CACNA1H: variants seen among roughly 807,000 people sequenced by gnomAD.
CACNA1H encodes the protein calcium voltage-gated channel subunit alpha1 H.
In CACNA1H, 149 loss-of-function variants were observed where a neutral mutation model predicts 192.5. That is an observed-to-expected ratio of 0.77 (90% CI 0.68 to 0.89). CACNA1H has a LOEUF of 0.89. Ranked by LOEUF, CACNA1H falls within the 40% of genes least tolerant of loss-of-function variation. The probability of loss-of-function intolerance (pLI) is 0.00; values close to 1 mark genes in which losing one functional copy is unlikely to be tolerated. For missense variants in CACNA1H, 4,257 were observed against 3,423.5 expected (o/e 1.24, Z -6.08); for synonymous variants, 2,202 against 1,475.2 (o/e 1.49, Z -11.29).
At chr16:1,181,254 G>A (rs1218262282) in intron 2 of CACNA1H, among the ~76,000 whole-genome samples, 1 of 152,252 alleles carries the variant, frequency 6.6e-6, no homozygotes, top group Non-Finnish European at 1.5e-5. Flanking sequence ...GCAAGGGTGA[G>A]GCCAGAGGAG....
chr16:1,154,352 ACTC>A (rs1225982728), intron 2 of CACNA1H, among the ~76,000 whole-genome samples: 2 of 151,570 alleles, frequency 1.3e-5, no homozygotes, highest in African/African-American at 4.8e-5. Context: ...GAAGGTCCTA[ACTC>A]CTCGCGGCCC....
intron 26 of CACNA1H, among the ~76,000 whole-genome samples, chr16:1,212,798 T>C (rs1969617502): frequency 6.6e-6 from 1 of 152,194 alleles, no homozygotes; most frequent in Non-Finnish European, 1.5e-5. Flanking sequence ...CCCACACCCC[T>C]GCAGGCTTGT....
chr16:1,175,466 T>G (rs1259847303), intron 2 of CACNA1H, among the ~76,000 whole-genome samples: 1 of 152,136 alleles, frequency 6.6e-6, no homozygotes, highest in African/African-American at 2.4e-5. Context: ...TCGCTCCTGC[T>G]GGGCCCTGGC....
At position 1,180,053 on chromosome 16, in the gene CACNA1H, T is replaced by C. The variant is rs935437977; in HGVS notation, c.300-14919T>C. Among the ~76,000 whole-genome samples the C allele has an allele frequency of 2.6e-5, 4 of 152,196 alleles. No individual in the cohort carries two copies. The highest frequency in any genetic ancestry group is 9.7e-5 in the African/African-American group (4 of 41,446). The stretch of plus-strand genomic sequence containing the variant: ...CCCGGCCCGGCCTTGTTTTTTAATA[T>C]ACATCTGGTTGCCGGGTGATACTGA... On this transcript the variant is annotated intron_variant, in intron 2 of 34. Transcript: ENST00000348261. This position sits in a 1 kb window ranked among gnomAD's most constrained non-coding sequence, Gnocchi z 4.4.
Position 1,210,600 on chromosome 16 carries a change from C to A in CACNA1H, c.3987C>A (p.Ser1329Arg), listed in dbSNP as rs770769436. 1 of 1,608,362 alleles carries A rather than the reference C, an allele frequency of 6.2e-7. No individual in the cohort carries two copies. Among genetic ancestry groups the A allele is most frequent in the Non-Finnish European group, 8.5e-7 (1 of 1,179,788 alleles). ...CCCGGCAGGAGCGGGTCTTCCTCAG[C>A]GTCTCCAATTACATCTTCACGGCCA... ...DPGSTERVFL[S>R]VSNYIFTAIF... The change falls in exon 20 of 35, where the codon AGC becomes AGA. Residue 1329 changes from serine to arginine, a missense_variant. Physicochemically the swap from Ser to Arg is moderately radical, Grantham distance 110 (BLOSUM62 -1). Coordinates refer to ENST00000348261, the MANE Select transcript of CACNA1H (RefSeq NM_021098.3).
chr16:1,186,738 C>T (rs1280603946), intron 2 of CACNA1H, among the ~76,000 whole-genome samples: 1 of 152,214 alleles, frequency 6.6e-6, no homozygotes, highest in African/African-American at 2.4e-5. Context: ...CGTAATGCTT[C>T]CTGGCCGGTG....
intron 2 of CACNA1H, among the ~76,000 whole-genome samples, chr16:1,187,495 G>A (rs558053175): frequency 1.6e-4 from 24 of 152,370 alleles, no homozygotes; most frequent in Middle Eastern, 3.4e-3. Context: ...GGCTCAGGCC[G>A]CTTGTGCCCA....
At chr16:1,200,668 G>T in intron 7 of CACNA1H, 48 bp from the exon 8 acceptor site, 1 of 1,575,758 alleles carries the variant, frequency 6.3e-7, no homozygotes. Context: ...GGCACGGGGA[G>T]GAGGAGGAGG....
chr16:1,188,821 C>G (rs1966317077), intron 2 of CACNA1H, among the ~76,000 whole-genome samples: 1 of 152,208 alleles, frequency 6.6e-6, no homozygotes, highest in African/African-American at 2.4e-5. Flanking sequence ...CACACCTAAC[C>G]CCGGCCCTCC....
chr16:1,200,286 C>T lies in CACNA1H; in HGVS notation c.834C>T (p.Tyr278=), dbSNP rs200518164. ...RNNNLTFLRP[Y]YQTEEGEENP... is the part of the protein sequence containing the mutation. Reference sequence around the variant, plus strand: ...ACAACCTGACCTTCCTGCGGCCGTACTACCAGACGGAGGAGGGCGAGGAGA... The same window carrying T: ...ACAACCTGACCTTCCTGCGGCCGTATTACCAGACGGAGGAGGGCGAGGAGA... The change falls in exon 7 of 35, where the codon TAC becomes TAT. Residue 278 remains tyrosine (Y), a synonymous_variant. Transcript: ENST00000348261. The T allele has an allele frequency of 2.2e-5, 35 of 1,604,836 alleles. No homozygotes were observed. Among genetic ancestry groups the T allele is most frequent in the Non-Finnish European group, 2.9e-5 (34 of 1,175,806 alleles).
chr16:1,197,849 A>G (rs960865278), intron 5 of CACNA1H, among the ~76,000 whole-genome samples: 1 of 152,036 alleles, frequency 6.6e-6, no homozygotes, highest in African/African-American at 2.4e-5. Flanking sequence ...GAGGGAAAGG[A>G]CGTCTTGGGG....
chr16:1,154,395 C>T (rs891736636), intron 2 of CACNA1H, among the ~76,000 whole-genome samples: 4 of 152,162 alleles, frequency 2.6e-5, no homozygotes, highest in South Asian at 2.1e-4. Flanking sequence ...GGGAATTTCC[C>T]CCTTGCCCAC....
Position 1,195,488 on chromosome 16 carries a change from G to C in CACNA1H, c.468G>C (p.Val156=). Residue 156 remains valine (V), a synonymous_variant, in exon 4 of 35, where the codon GTG becomes GTC. Coordinates refer to ENST00000348261, the MANE Select transcript of CACNA1H (RefSeq NM_021098.3). ...FFAVEMVIKM[V]ALGLFGQKCY... ...CGGTGGAGATGGTCATCAAGATGGT[G>C]GCCTTGGGGCTGTTCGGGCAGAAGT... is the stretch of plus-strand genomic sequence containing the variant. 6.3e-7 allele frequency: 1 copy of C among 1,593,492 alleles called. No homozygotes were observed. The highest frequency in any genetic ancestry group is 8.5e-7 in the Non-Finnish European group (1 of 1,169,958).
intron 4 of CACNA1H, 112 bp from the exon 5 acceptor site, chr16:1,195,814 C>T (rs1053290820): frequency 4.2e-5 from 41 of 965,812 alleles, no homozygotes; most frequent in Middle Eastern, 2.7e-4. Context: ...ACAAGGTCCT[C>T]CGGGTGCCGG....
chr16:1,211,929 C>A lies in CACNA1H; in HGVS notation c.4567-17C>A. The A allele has an allele frequency of 6.2e-7, 1 of 1,612,504 alleles. No individual in the cohort carries two copies. The highest frequency in any genetic ancestry group is 1.1e-5 in the South Asian group (1 of 91,078). On this transcript the variant is annotated splice_polypyrimidine_tract_variant and intron_variant, in intron 24 of 34. Coordinates refer to ENST00000348261, the MANE Select transcript of CACNA1H (RefSeq NM_021098.3). ...GGCGGGGCAGGCGGGCGGGGACCCA[C>A]CGCCTCTGTGCCACAGCCTGTGCAG...
intron 9 of CACNA1H, among the ~76,000 whole-genome samples, chr16:1,203,168 G>A (rs1205314299): frequency 1.3e-5 from 2 of 152,200 alleles, no homozygotes; most frequent in Non-Finnish European, 2.9e-5. Context: ...GTGCAGACGA[G>A]TGTCGGGCGC....
At position 1,153,750 on chromosome 16, in the gene CACNA1H, G is replaced by T. The variant is rs948561024; in HGVS notation, c.13G>T (p.Ala5Ser). 2.5e-6 allele frequency: 3 copies of T among 1,211,920 alleles called. No homozygotes were observed. Among genetic ancestry groups the T allele is most frequent in the East Asian group, 3.5e-5 (1 of 28,576 alleles). 75.1% of individuals were successfully genotyped at this position (1,211,920 alleles called of 1,614,324 possible). The change falls in exon 2 of 35, where the codon GCA (alanine) becomes TCA (serine). Residue 5 changes from alanine to serine, a missense_variant. Coordinates refer to ENST00000348261, the MANE Select transcript of CACNA1H (RefSeq NM_021098.3). MTEG[A>S]RAADEVRVPL... is the part of the protein sequence containing the mutation. ...GCCGGCCGCCACCATGACCGAGGGC[G>T]CACGGGCCGCCGACGAGGTCCGGGT...
chr16:1,184,625 C>T (rs1210883995), intron 2 of CACNA1H, among the ~76,000 whole-genome samples: 1 of 152,244 alleles, frequency 6.6e-6, no homozygotes, highest in Non-Finnish European at 1.5e-5. Context: ...TGGAGGGTGC[C>T]AGGAGTTGTC....
chr16:1,186,300 C>T (rs1228759469), intron 2 of CACNA1H, among the ~76,000 whole-genome samples: 3 of 151,996 alleles, frequency 2.0e-5, no homozygotes, highest in Non-Finnish European at 2.9e-5. Flanking sequence ...CCCAGTGGGG[C>T]TGTTCAGAAG....
Sources: gnomAD v4.1 joint callset for allele counts (sites outside exome capture counted in the v4.1 genomes callset) on GRCh38, gnomAD v4.1.1 for gene constraint, Gnocchi (gnomAD v3.1) non-coding constraint, MANE v1.5 for transcripts, NCBI Gene and HGNC (gene_info 2026-07-23, HGNC 2026-07-21) for gene names.